Variants in GRIK1 observed in about 807,000 individuals in gnomAD.
The protein encoded by GRIK1 is glutamate ionotropic receptor kainate type subunit 1, also known as glutamate receptor ionotropic, kainate 1.
Under a neutral mutation model 105.7 loss-of-function variants are expected in GRIK1, and 69 were observed. The ratio of observed to expected loss-of-function variants is 0.65; its 90% confidence interval spans 0.54 to 0.80. GRIK1 has a LOEUF of 0.80. Ranked by LOEUF, GRIK1 falls within the 30% of genes least tolerant of loss-of-function variation. The pLI, the probability that GRIK1 is intolerant of heterozygous loss-of-function variation, is 0.00. For synonymous variants in GRIK1, 438 were observed against 431.3 expected, an observed-to-expected ratio of 1.02 and a Z score of -0.19; for missense variants, 1,109 against 1,167.3, an observed-to-expected ratio of 0.95 and a Z score of 0.73.
intron 4 of GRIK1, among the ~76,000 whole-genome samples, chr21:29,662,352 G>A (rs1462992270): frequency 6.6e-6 from 1 of 152,154 alleles, no homozygotes; most frequent in East Asian, 1.9e-4. Context: ...AGGAGAGAAT[G>A]GAACTTTTGG....
chr21:29,874,447 T>C (rs1348815931), intron 1 of GRIK1, among the ~76,000 whole-genome samples: 2 of 152,192 alleles, frequency 1.3e-5, no homozygotes, highest in Non-Finnish European at 2.9e-5. Flanking sequence ...CTTTGTCTCA[T>C]ACGTGATTAG....
chr21:29,894,533 C>A (rs1035387980), intron 1 of GRIK1, among the ~76,000 whole-genome samples: 18 of 152,152 alleles, frequency 1.2e-4, no homozygotes, highest in African/African-American at 4.3e-4. Flanking sequence ...ATGGTGCCCA[C>A]CCAGACCGAG....
At chr21:29,786,386 A>G (rs1012557967) in intron 1 of GRIK1, among the ~76,000 whole-genome samples, 1 of 152,248 alleles carries the variant, frequency 6.6e-6, no homozygotes, top group Non-Finnish European at 1.5e-5. Flanking sequence ...TTATATCTGC[A>G]GAAGCCCTTT....
intron 1 of GRIK1, among the ~76,000 whole-genome samples, chr21:29,831,903 T>C (rs767514483): frequency 7.8e-4 from 119 of 152,238 alleles, no homozygotes; most frequent in Non-Finnish European, 1.3e-3. Flanking sequence ...CAAAATCTCA[T>C]CTGGGACAAG....
chr21:29,767,864 ATGTGTGTGTGTG>A (rs60618188), intron 1 of GRIK1, among the ~76,000 whole-genome samples: 66,009 of 147,256 alleles, frequency 0.45, 15,906 homozygotes, highest in East Asian at 0.56. Context: ...GCTGAAATTC[ATGTGTGTGTGTG>A]TGTGTGTGTG....
intron 1 of GRIK1, among the ~76,000 whole-genome samples, chr21:29,770,530 A>T (rs1194262441): frequency 1.3e-5 from 2 of 152,242 alleles, no homozygotes; most frequent in Non-Finnish European, 2.9e-5. Flanking sequence ...GAAGGTGACC[A>T]GGCAGGCTGG....
intron 1 of GRIK1, among the ~76,000 whole-genome samples, chr21:29,767,273 A>G (rs2065690827): frequency 6.6e-6 from 1 of 152,238 alleles, no homozygotes; most frequent in African/African-American, 2.4e-5. Flanking sequence ...CTTTTTCTGG[A>G]TATTTCCAGG....
At chr21:29,672,903 A>T in intron 4 of GRIK1, 80 bp downstream of exon 4, 2 of 963,616 alleles carry the variant, frequency 2.1e-6, no homozygotes, top group Non-Finnish European at 3.2e-6. Flanking sequence ...ATGCTGCATT[A>T]AGTGAAAACT....
intron 7 of GRIK1, among the ~76,000 whole-genome samples, chr21:29,601,690 C>T (rs1488626152): frequency 6.6e-6 from 1 of 152,196 alleles, no homozygotes; most frequent in East Asian, 1.9e-4. Flanking sequence ...GAGGCACAGG[C>T]CTCCCAGCTT....
intron 1 of GRIK1, among the ~76,000 whole-genome samples, chr21:29,806,081 A>C (rs781198012): frequency 6.6e-6 from 1 of 152,202 alleles, no homozygotes; most frequent in Non-Finnish European, 1.5e-5. Context: ...TGACACCAAT[A>C]AACAGTCTTA....
chr21:29,592,271 C>A (rs1048119159), intron 9 of GRIK1, among the ~76,000 whole-genome samples: 1 of 152,146 alleles, frequency 6.6e-6, no homozygotes, highest in Non-Finnish European at 1.5e-5. Context: ...TCCACTTGAT[C>A]GTGAACTCCT....
chr21:29,656,354 C>CAAAAAAAAAAAAAAAAAAAAAAAAAA (rs3054331), intron 4 of GRIK1, among the ~76,000 whole-genome samples: 1 of 51,132 alleles, frequency 2.0e-5, no homozygotes, highest in Non-Finnish European at 4.6e-5. Context: ...GAGCGAGACT[C>CAAAAAAAAAAAAAAAAAAAAAAAAAA]AAAAAAAAAA....
chr21:29,603,417 C>A (rs1375041603), intron 7 of GRIK1, among the ~76,000 whole-genome samples: 1 of 152,070 alleles, frequency 6.6e-6, no homozygotes, highest in African/African-American at 2.4e-5. Context: ...ATACCAAACA[C>A]TGGCACTAGC....
intron 9 of GRIK1, among the ~76,000 whole-genome samples, chr21:29,595,700 T>C (rs1470628936): frequency 1.3e-5 from 2 of 151,734 alleles, no homozygotes; most frequent in Non-Finnish European, 2.9e-5. Context: ...TTTTACCAAG[T>C]AGTTTTAGAG....
chr21:29,689,792 C>G lies in GRIK1; in HGVS notation c.480G>C (p.Ala160=), dbSNP rs750063041. Reference sequence around the variant, plus strand: ...TGTAATAGAGGACCAGATCCAGGATCGCCCTGCTGATAGCTGCATAATCTG... The same window carrying G: ...TGTAATAGAGGACCAGATCCAGGATGGCCCTGCTGATAGCTGCATAATCTG... The part of the protein sequence containing the change: ...LYPDYAAISR[A]ILDLVLYYNW... Residue 160 remains alanine, a synonymous_variant, in exon 3 of 18, where the codon GCG becomes GCC. Coordinates refer to ENST00000327783, the MANE Select transcript of GRIK1 (RefSeq NM_001330994.2). 6.2e-7 allele frequency: 1 copy of G among 1,613,678 alleles called. No homozygotes were observed. Among genetic ancestry groups the G allele is most frequent in the South Asian group, 1.1e-5 (1 of 91,062 alleles).
chr21:29,645,529 T>C (rs2062600645), intron 6 of GRIK1, among the ~76,000 whole-genome samples: 2 of 152,166 alleles, frequency 1.3e-5, no homozygotes, highest in Admixed American at 6.5e-5. Context: ...TGATTCAAAA[T>C]TATAGGTCTA....
rs145878747 is a variant in GRIK1 at position 29,664,024 on chromosome 21, G to A, written c.726+8959C>T. Among the ~76,000 whole-genome samples the A allele has an allele frequency of 5.0e-3, 757 of 152,294 alleles. 15 individuals are homozygous for A. The highest frequency in any genetic ancestry group is 0.017 in the African/African-American group (722 of 41,562). On this transcript the variant is annotated intron_variant, in intron 4 of 17. Transcript: ENST00000327783. ...TGTTTGCTAACTAATGAATGTGAAA[G>A]GTGAGAGCAAGTAAGGTGGATTTCT...
chr21:29,643,056 C>T (rs2062547542), intron 6 of GRIK1, 87 bp from the exon 7 acceptor site: 4 of 1,307,248 alleles, frequency 3.1e-6, no homozygotes, highest in Non-Finnish European at 4.3e-6. Flanking sequence ...GCTTCCATAG[C>T]TCTTATCTGT....
chr21:29,814,585 A>G (rs1441916229), intron 1 of GRIK1, among the ~76,000 whole-genome samples: 2 of 152,018 alleles, frequency 1.3e-5, no homozygotes, highest in African/African-American at 4.8e-5. Context: ...GATACATCAA[A>G]TGCTTCTTCC....
Sources: gnomAD v4.1 joint callset for allele counts (sites outside exome capture counted in the v4.1 genomes callset) on GRCh38, gnomAD v4.1.1 for gene constraint, MANE v1.5 for transcripts, NCBI Gene and HGNC (gene_info 2026-07-23, HGNC 2026-07-21) for gene names.